The following JAZF1 variants were observed in gnomAD, a reference collection of about 807,000 sequenced individuals.
JAZF1 encodes the protein JAZF zinc finger 1.
Under a neutral mutation model 26.4 loss-of-function variants are expected in JAZF1, and 8 were observed. The observed-to-expected ratio is 0.30, with a 90% CI of 0.18 to 0.55. The LOEUF (loss-of-function observed/expected upper bound fraction) is 0.55, where lower values mean the gene tolerates loss of function less well. Ranked by LOEUF, JAZF1 falls within the 20% of genes least tolerant of loss-of-function variation. The probability of loss-of-function intolerance (pLI) is 0.94; values close to 1 mark genes in which losing one functional copy is unlikely to be tolerated. For synonymous variants in JAZF1, 126 were observed against 122.3 expected, an observed-to-expected ratio of 1.03 and a Z score of -0.20; for missense variants, 199 against 322.0, an observed-to-expected ratio of 0.62 and a Z score of 2.92.
chr7:28,103,512 C>T (rs1475048896), intron 1 of JAZF1, among the ~76,000 whole-genome samples: 1 of 152,106 alleles, frequency 6.6e-6, no homozygotes, highest in Non-Finnish European at 1.5e-5. Context: ...CAACAGGCAT[C>T]GCAAACTTAA....
At chr7:28,108,570 G>T (rs756198811) in intron 1 of JAZF1, among the ~76,000 whole-genome samples, 34 of 152,154 alleles carry the variant, frequency 2.2e-4, no homozygotes, top group Non-Finnish European at 4.7e-4. Context: ...GTCCTCTGTG[G>T]AGAAAATGAA....
Position 28,017,733 on chromosome 7 carries a change from C to G in JAZF1, c.116-25752G>C, listed in dbSNP as rs115893304. Among the ~76,000 whole-genome samples the G allele has an allele frequency of 3.2e-3, 492 of 152,260 alleles. 6 individuals carry two copies. Among genetic ancestry groups the G allele is most frequent in the African/African-American group, 0.011 (475 of 41,556 alleles). ...GATGTGTACATTTTGGTGAAAAAGA[C>G]CAGCAAATGATAAGTGATTACTTCT... On this transcript the variant is annotated intron_variant, in intron 1 of 4. Coordinates refer to ENST00000283928, the MANE Select transcript of JAZF1 (RefSeq NM_175061.4).
chr7:27,985,273 C>A (rs1376609506), intron 2 of JAZF1, among the ~76,000 whole-genome samples: 2 of 152,152 alleles, frequency 1.3e-5, no homozygotes, highest in Non-Finnish European at 2.9e-5. Flanking sequence ...AAGGGAATAT[C>A]ACCACCAATC....
intron 1 of JAZF1, among the ~76,000 whole-genome samples, chr7:28,120,927 T>C (rs1782592083): frequency 1.3e-5 from 2 of 152,104 alleles, no homozygotes; most frequent in Admixed American, 1.3e-4. Flanking sequence ...CCACTGGGCA[T>C]GGTGGCTCAC....
chr7:28,139,005 GT>G (rs1185899735), intron 1 of JAZF1, among the ~76,000 whole-genome samples: 4 of 122,194 alleles, frequency 3.3e-5, no homozygotes, highest in Non-Finnish European at 7.9e-5. Flanking sequence ...TAGACCTGAA[GT>G]GGAGGGGCTG....
At chr7:28,175,057 G>A (rs1036476628) in intron 1 of JAZF1, among the ~76,000 whole-genome samples, 41 of 152,064 alleles carry the variant, frequency 2.7e-4, no homozygotes, top group African/African-American at 9.9e-4. Context: ...CAGGCCCAAG[G>A]CACAGTGCCT....
chr7:27,899,420 C>T (rs198), intron 2 of JAZF1, among the ~76,000 whole-genome samples: 128,500 of 152,166 alleles, frequency 0.84, 54,548 homozygotes, highest in East Asian at 0.96. Flanking sequence ...TTTCTGAAGC[C>T]CTCAGTAATC....
At chr7:28,034,660 G>C (rs1783253883) in intron 1 of JAZF1, among the ~76,000 whole-genome samples, 1 of 152,174 alleles carries the variant, frequency 6.6e-6, no homozygotes, top group African/African-American at 2.4e-5. Flanking sequence ...AACTGTGTAA[G>C]TGACTTCCCT....
chr7:28,031,208 C>A (rs1783183453), intron 1 of JAZF1, among the ~76,000 whole-genome samples: 1 of 152,068 alleles, frequency 6.6e-6, no homozygotes, highest in African/African-American at 2.4e-5. Flanking sequence ...AAAGAAGTCA[C>A]CCTTAGGTCT....
chr7:27,981,000 A>G (rs2128362125), intron 2 of JAZF1, among the ~76,000 whole-genome samples: 1 of 152,276 alleles, frequency 6.6e-6, no homozygotes, highest in African/African-American at 2.4e-5. Context: ...CAAAGTTCCT[A>G]CTGTGTGGTA....
chr7:27,909,829 T>C (rs1052397637), intron 2 of JAZF1, among the ~76,000 whole-genome samples: 6 of 152,242 alleles, frequency 3.9e-5, no homozygotes, highest in Non-Finnish European at 7.3e-5. Flanking sequence ...GATTGATAAT[T>C]CACATATTTT....
chr7:28,000,625 T>C (rs1583501762), intron 1 of JAZF1, among the ~76,000 whole-genome samples: 4 of 142,042 alleles, frequency 2.8e-5, no homozygotes, highest in African/African-American at 1.0e-4. Context: ...TTTCTTTCTT[T>C]TTTTTTTTTT....
chr7:27,904,279 G>A (rs576569169), intron 2 of JAZF1, among the ~76,000 whole-genome samples: 7 of 152,212 alleles, frequency 4.6e-5, no homozygotes, highest in Non-Finnish European at 8.8e-5. Context: ...TCAATGTAAT[G>A]ATGGCTTTCA....
intron 3 of JAZF1, chr7:27,842,189 T>G (rs1398958504): frequency 6.6e-6 from 1 of 152,158 alleles, no homozygotes; most frequent in East Asian, 1.9e-4. Context: ...GTTTACTCAG[T>G]GCCTATGATG....
At chr7:27,874,640 T>C (rs1443018702) in intron 3 of JAZF1, among the ~76,000 whole-genome samples, 1 of 152,212 alleles carries the variant, frequency 6.6e-6, no homozygotes, top group African/African-American at 2.4e-5. Context: ...GTTCCTCCCA[T>C]AGAACACATC....
intron 1 of JAZF1, among the ~76,000 whole-genome samples, chr7:28,097,948 A>G (rs1410658770): frequency 6.6e-6 from 1 of 152,218 alleles, no homozygotes; most frequent in Non-Finnish European, 1.5e-5. Context: ...AAACCATTCC[A>G]TAACGTAGTT....
intron 1 of JAZF1, among the ~76,000 whole-genome samples, chr7:27,995,452 CA>C (rs1241176203): frequency 9.2e-5 from 14 of 152,230 alleles, no homozygotes; most frequent in African/African-American, 3.1e-4. Context: ...TTTTTTTTAG[CA>C]GGGCAGGGTA....
intron 1 of JAZF1, chr7:28,020,522 A>G (rs930096028): frequency 2.1e-6 from 1 of 470,496 alleles, no homozygotes; most frequent in Non-Finnish European, 4.4e-6. Context: ...CCATACTGAC[A>G]TCTTGTGGTT....
intron 3 of JAZF1, among the ~76,000 whole-genome samples, chr7:27,845,056 G>C (rs550615682): frequency 1.6e-4 from 25 of 152,150 alleles, no homozygotes; most frequent in Non-Finnish European, 2.5e-4. Flanking sequence ...TCTGTGCCTC[G>C]CACCATCCCG....
Sources: allele counts gnomAD v4.1 joint callset (sites outside exome capture counted in the v4.1 genomes callset), GRCh38; gene constraint gnomAD v4.1.1; transcripts MANE v1.5; gene names NCBI Gene and HGNC (gene_info 2026-07-23, HGNC 2026-07-21).